ZC3H14: variants seen among roughly 807,000 people sequenced by gnomAD.
ZC3H14 encodes the protein zinc finger CCCH-type containing 14.
ZC3H14 carries 31 observed loss-of-function variants against 92.4 expected under a neutral mutation model. That is an observed-to-expected ratio of 0.34 (90% CI 0.25 to 0.45). ZC3H14 has a LOEUF of 0.45. Ranked by LOEUF, ZC3H14 falls within the 20% of genes least tolerant of loss-of-function variation. ZC3H14 has a pLI of 1.00. For synonymous variants in ZC3H14, 321 were observed against 300.9 expected (o/e 1.07, Z -0.69); for missense variants, 781 against 897.3 (o/e 0.87, Z 1.66).
At chr14:88,602,707 T>C (rs567750923) in intron 11 of ZC3H14, 121 bp from the exon 12 acceptor site, 23 of 1,070,294 alleles carry the variant, frequency 2.1e-5, no homozygotes, top group Admixed American at 6.1e-5. Context: ...CTACCTAGTC[T>C]TTTTTTATTG....
chr14:88,566,765 C>G (rs938011168), intron 2 of ZC3H14, among the ~76,000 whole-genome samples: 4 of 151,960 alleles, frequency 2.6e-5, no homozygotes, highest in African/African-American at 9.7e-5. Context: ...ACTAAAAATA[C>G]AAACATTAGC....
chr14:88,618,783 A>G lies in ZC3H14; in HGVS notation c.*7032A>G. ...ATCCACTGAGTTCTCACTAGAACCT[A>G]CTGCCAGATACCGGGAATCCGGACT... On this transcript the variant is annotated 3_prime_UTR_variant, in exon 17 of 17. Transcript: ENST00000251038. 6.3e-7 allele frequency: 1 copy of G among 1,595,826 alleles called. No individual in the cohort carries two copies. The highest frequency in any genetic ancestry group is 8.5e-7 in the Non-Finnish European group (1 of 1,169,884).
chr14:88,604,933 T>G (rs2085152000), intron 12 of ZC3H14, among the ~76,000 whole-genome samples: 1 of 152,218 alleles, frequency 6.6e-6, no homozygotes, highest in Non-Finnish European at 1.5e-5. Context: ...TCTTAAAATT[T>G]GAACAGAAAG....
chr14:88,604,808 A>G (rs774853531), intron 12 of ZC3H14, among the ~76,000 whole-genome samples: 2 of 151,970 alleles, frequency 1.3e-5, no homozygotes, highest in African/African-American at 4.8e-5. Flanking sequence ...TGGTCAGGCT[A>G]ATCTCCAACT....
chr14:88,571,949 C>T (rs142555760), intron 4 of ZC3H14, 81 bp from the exon 5 acceptor site: 15 of 1,177,548 alleles, frequency 1.3e-5, no homozygotes, highest in Middle Eastern at 3.0e-4. Context: ...GGCGACAGAG[C>T]GAGACTCCAT....
Position 88,613,079 on chromosome 14 carries a change from GTCTACTGTTGTGT to G in ZC3H14, c.*1330_*1342del, listed in dbSNP as rs1320288008. ...CACGTTTAAGATTGTCAAGCCAGCA[GTCTACTGTTGTGT>G]TGCCATTGCTTTTCCATTGGGAGAA... On this transcript the variant is annotated 3_prime_UTR_variant, in exon 17 of 17. Coordinates refer to ENST00000251038, the MANE Select transcript of ZC3H14 (RefSeq NM_024824.5). 1 of 152,384 alleles carries G rather than the reference GTCTACTGTTGTGT, an allele frequency of 6.6e-6. No homozygotes were observed. The highest frequency in any genetic ancestry group is 1.5e-5 in the Non-Finnish European group (1 of 68,038). 9.4% of individuals were successfully genotyped at this position (152,384 alleles called of 1,614,324 possible). A position where few individuals can be genotyped will look rare whatever the true frequency, so the allele number is the denominator to read the frequency against.
chr14:88,621,726 C>T lies in ZC3H14; in HGVS notation c.*9975C>T, dbSNP rs2088979620. 1.4e-4 allele frequency: 42 copies of T among 303,816 alleles called. No homozygotes were observed. The highest frequency in any genetic ancestry group is 1.3e-3 in the South Asian group (42 of 32,638). The allele number at this position is 303,816 out of a possible 1,614,324, so 18.8% of individuals were successfully genotyped here. Reference sequence around the variant, plus strand: ...AATATCCGTATGATTTATAAATACACTTAATAAGTACAAACACGCTCAAAA... The same window carrying T: ...AATATCCGTATGATTTATAAATACATTTAATAAGTACAAACACGCTCAAAA... On this transcript the variant is annotated 3_prime_UTR_variant, in exon 17 of 17. Coordinates refer to ENST00000251038, the MANE Select transcript of ZC3H14 (RefSeq NM_024824.5).
At chr14:88,572,434 C>T in intron 5 of ZC3H14, 144 bp from the exon 6 acceptor site, 3 of 1,163,470 alleles carry the variant, frequency 2.6e-6, no homozygotes, top group Non-Finnish European at 3.7e-6. Flanking sequence ...AAAGAAAGTG[C>T]AATTTCAAAG....
At chr14:88,611,487 T>G (rs1282167956) in intron 16 of ZC3H14, among the ~76,000 whole-genome samples, 2 of 152,222 alleles carry the variant, frequency 1.3e-5, no homozygotes, top group African/African-American at 4.8e-5. Flanking sequence ...CACATCCATT[T>G]TCTTCGACAT....
At chr14:88,567,912 C>T (rs1221583131) in intron 2 of ZC3H14, 127 bp from the exon 3 acceptor site, 1 of 765,764 alleles carries the variant, frequency 1.3e-6, no homozygotes, top group African/African-American at 1.7e-5. Flanking sequence ...GCCATCTTGT[C>T]CAATGTAATT....
Position 88,625,299 on chromosome 14 carries a change from A to G in ZC3H14, c.*13548A>G. 1.5e-6 allele frequency: 1 copy of G among 654,014 alleles called. No individual in the cohort carries two copies. Among genetic ancestry groups the G allele is most frequent in the Non-Finnish European group, 2.5e-6 (1 of 403,882 alleles). The allele number at this position is 654,014 out of a possible 1,614,324, so 40.5% of individuals were successfully genotyped here. ...GTCAGGAAACCTGAACGGGAGGCTT[A>G]GCTTTGTCAGGACCTTTTCCTTTCC... On this transcript the variant is annotated 3_prime_UTR_variant, in exon 17 of 17. Coordinates refer to ENST00000251038, the MANE Select transcript of ZC3H14 (RefSeq NM_024824.5).
At chr14:88,570,368 C>T (rs1334729518) in intron 3 of ZC3H14, among the ~76,000 whole-genome samples, 2 of 152,144 alleles carry the variant, frequency 1.3e-5, no homozygotes, top group Non-Finnish European at 2.9e-5. Context: ...CAAAGTACCT[C>T]ATTTATAACT....
At chr14:88,563,404 G>A (rs2079121409) in intron 1 of ZC3H14, 9 of 1,431,340 alleles carry the variant, frequency 6.3e-6, no homozygotes, top group East Asian at 2.6e-5. Flanking sequence ...GCGCAGGCCC[G>A]GCTGGAGCCA....
At chr14:88,594,120 A>C (rs2083491024) in intron 9 of ZC3H14, among the ~76,000 whole-genome samples, 1 of 152,084 alleles carries the variant, frequency 6.6e-6, no homozygotes, top group African/African-American at 2.4e-5. Context: ...AGGATTTGTC[A>C]CTCTCAATAA....
rs576565791 is a variant in ZC3H14 at position 88,609,357 on chromosome 14, C to T, written c.1959C>T (p.Pro653=). The change falls in exon 14 of 17, where the codon CCC becomes CCT. Residue 653 remains proline (P), a synonymous_variant. Coordinates refer to ENST00000251038, the MANE Select transcript of ZC3H14 (RefSeq NM_024824.5). ...CAAAGTGTACTAAACCAGATTGTCC[C>T]TTCACTCATGTGAGTAGAAGAATTC... The part of the protein sequence containing the change: ...YDAKCTKPDC[P]FTHVSRRIPV... The T allele has an allele frequency of 1.2e-6, 2 of 1,614,028 alleles. No homozygotes were observed. The highest frequency in any genetic ancestry group is 1.1e-5 in the South Asian group (1 of 91,076).
intron 10 of ZC3H14, among the ~76,000 whole-genome samples, chr14:88,600,275 G>A (rs2084422869): frequency 6.6e-6 from 1 of 152,244 alleles, no homozygotes; most frequent in African/African-American, 2.4e-5. Flanking sequence ...CCTGTCAGGT[G>A]TGTGAGACCA....
chr14:88,594,872 A>T, intron 9 of ZC3H14: 2 of 1,614,122 alleles, frequency 1.2e-6, no homozygotes, highest in Non-Finnish European at 1.7e-6. Context: ...ATATCAGCTG[A>T]TATCAATGAA....
chr14:88,617,118 G>A lies in ZC3H14; in HGVS notation c.*5367G>A, dbSNP rs978219174. The A allele has an allele frequency of 9.0e-6, 3 of 332,416 alleles. No individual in the cohort carries two copies. The highest frequency in any genetic ancestry group is 1.6e-5 in the Non-Finnish European group (3 of 183,474). 20.6% of individuals were successfully genotyped at this position (332,416 alleles called of 1,614,324 possible). On this transcript the variant is annotated 3_prime_UTR_variant, in exon 17 of 17. Transcript: ENST00000251038. ...GATTAATCTTTTTAAGATTAAAGTA[G>A]TACTTTATGAAAACTGATAGAACTA... is the stretch of plus-strand genomic sequence containing the variant.
rs767753236 is a variant in ZC3H14, at chr14:88,619,049, T to C, written c.*7298T>C. On this transcript the variant is annotated 3_prime_UTR_variant, in exon 17 of 17. Transcript: ENST00000251038. ...CCCCAATTGTCATCTCCCAATTCCT[T>C]TAAAAACGTCTAATGGCTTAAAAAA... 5.9e-6 allele frequency: 2 copies of C among 337,584 alleles called. No individual in the cohort carries two copies. Among genetic ancestry groups the C allele is most frequent in the Non-Finnish European group, 1.0e-5 (2 of 190,870 alleles). 20.9% of individuals were successfully genotyped at this position (337,584 alleles called of 1,614,324 possible).
Sources: gnomAD v4.1 joint callset for allele counts (sites outside exome capture counted in the v4.1 genomes callset) on GRCh38, gnomAD v4.1.1 for gene constraint, MANE v1.5 for transcripts, NCBI Gene and HGNC (gene_info 2026-07-23, HGNC 2026-07-21) for gene names.